Variants in LAMA2 observed in about 807,000 individuals in gnomAD.
LAMA2 encodes the protein laminin subunit alpha-2.
LAMA2 carries 269 observed loss-of-function variants against 364.8 expected under a neutral mutation model. The observed-to-expected ratio is 0.74, with a 90% CI of 0.67 to 0.82. LAMA2 has a LOEUF of 0.82. LAMA2 is among the 40% of genes least tolerant of loss of function. The pLI is 0.00. For synonymous variants in LAMA2, 1,379 were observed against 1,370.6 expected, an observed-to-expected ratio of 1.01 and a Z score of -0.14; for missense variants, 3,807 against 3,873.2, an observed-to-expected ratio of 0.98 and a Z score of 0.45.
intron 48 of LAMA2, among the ~76,000 whole-genome samples, chr6:129,457,398 T>G (rs987587525): frequency 1.3e-5 from 2 of 152,042 alleles, no homozygotes; most frequent in Admixed American, 6.6e-5. Flanking sequence ...TAGATAAATA[T>G]AGGGATAGCA....
chr6:129,489,780 G>A (rs1784768655), intron 56 of LAMA2, among the ~76,000 whole-genome samples: 1 of 151,874 alleles, frequency 6.6e-6, no homozygotes, highest in East Asian at 1.9e-4. Flanking sequence ...CAAACATTAG[G>A]ACACATTTCT....
chr6:129,083,768 T>G (rs1774209365), intron 3 of LAMA2, among the ~76,000 whole-genome samples: 1 of 152,192 alleles, frequency 6.6e-6, no homozygotes, highest in Non-Finnish European at 1.5e-5. Context: ...AAGTATAGCT[T>G]AGATCCAACG....
intron 1 of LAMA2, among the ~76,000 whole-genome samples, chr6:128,998,538 T>C (rs1192449498): frequency 1.1e-4 from 11 of 101,698 alleles, no homozygotes; most frequent in East Asian, 4.2e-4. Flanking sequence ...CCAGTGTGTG[T>C]GCGCACCGTG....
Position 128,883,809 on chromosome 6 carries a change from C to A in LAMA2, c.112+452C>A, listed in dbSNP as rs190822390. Among the ~76,000 whole-genome samples the A allele has an allele frequency of 9.1e-3, 1,166 of 128,674 alleles. 36 individuals carry two copies. Among genetic ancestry groups the A allele is most frequent in the Admixed American group, 0.059 (803 of 13,514 alleles). 84.4% of individuals were successfully genotyped at this position (128,674 alleles called of 152,430 possible). A position where few individuals can be genotyped will look rare whatever the true frequency, so the allele number is the denominator to read the frequency against. ...AATTATATATATATATATACACACA[C>A]ACACACACACACACACACACACACA... is the stretch of plus-strand genomic sequence containing the variant. On this transcript the variant is annotated intron_variant, in intron 1 of 64. Transcript: ENST00000421865.
intron 1 of LAMA2, among the ~76,000 whole-genome samples, chr6:129,016,830 T>C (rs890856186): frequency 4.0e-5 from 6 of 151,692 alleles, no homozygotes; most frequent in African/African-American, 1.2e-4. Flanking sequence ...TAAGTTGAGA[T>C]TATTCAAAGG....
chr6:129,202,420 TC>T (rs1208425194), intron 12 of LAMA2, among the ~76,000 whole-genome samples: 1 of 151,996 alleles, frequency 6.6e-6, no homozygotes, highest in Admixed American at 6.5e-5. Flanking sequence ...GGGATTAACA[TC>T]CTTACAAAAG....
At chr6:128,928,833 G>A (rs1447023968) in intron 1 of LAMA2, among the ~76,000 whole-genome samples, 1 of 152,178 alleles carries the variant, frequency 6.6e-6, no homozygotes, top group Non-Finnish European at 1.5e-5. Flanking sequence ...TGGCTTCTTT[G>A]TATACACTGT....
chr6:129,124,155 C>A (rs529393656), intron 4 of LAMA2, among the ~76,000 whole-genome samples: 14 of 152,048 alleles, frequency 9.2e-5, no homozygotes, highest in Admixed American at 8.5e-4. Flanking sequence ...AAATAATAAT[C>A]GTATCTTGGT....
chr6:129,302,892 A>G (rs189771497), intron 22 of LAMA2, among the ~76,000 whole-genome samples: 7 of 152,246 alleles, frequency 4.6e-5, no homozygotes, highest in African/African-American at 1.7e-4. Flanking sequence ...GGTATTGTAA[A>G]TTCCTCAACC....
intron 3 of LAMA2, among the ~76,000 whole-genome samples, chr6:129,083,948 T>G (rs1354762244): frequency 1.3e-5 from 2 of 152,212 alleles, no homozygotes; most frequent in African/African-American, 4.8e-5. Context: ...GATTAGATTT[T>G]GAGAGCCAGT....
At chr6:129,147,171 A>ATGCCAGGGT in intron 6 of LAMA2, 123 bp downstream of exon 6, 2 of 743,036 alleles carry the variant, frequency 2.7e-6, no homozygotes, top group Non-Finnish European at 2.5e-6. Context: ...ACAGTGTAAC[A>ATGCCAGGGT]GAAATCCATG....
intron 9 of LAMA2, among the ~76,000 whole-genome samples, chr6:129,173,077 T>C (rs1282618980): frequency 1.1e-4 from 17 of 152,140 alleles, no homozygotes; most frequent in Admixed American, 7.9e-4. Flanking sequence ...CTGTCTGGCA[T>C]TCCCTAGTGA....
intron 8 of LAMA2, among the ~76,000 whole-genome samples, chr6:129,155,467 T>G: frequency 6.6e-6 from 1 of 152,122 alleles, no homozygotes; most frequent in East Asian, 1.9e-4. Flanking sequence ...GGATTTAATT[T>G]TAATCGTAAG....
intron 43 of LAMA2, 93 bp from the exon 44 acceptor site, chr6:129,442,970 T>C (rs770221520): frequency 1.3e-5 from 12 of 914,108 alleles, no homozygotes; most frequent in African/African-American, 3.4e-5. Context: ...AAAAATACCA[T>C]TTTTAGTCAC....
intron 4 of LAMA2, among the ~76,000 whole-genome samples, chr6:129,129,710 G>A (rs958699923): frequency 1.3e-5 from 2 of 151,938 alleles, no homozygotes; most frequent in African/African-American, 2.4e-5. Flanking sequence ...GGATCACGAG[G>A]TCAGGAGATC....
intron 12 of LAMA2, among the ~76,000 whole-genome samples, chr6:129,246,693 A>T (rs978368678): frequency 2.6e-5 from 4 of 152,178 alleles, no homozygotes; most frequent in Admixed American, 2.6e-4. Context: ...GCTTGATGAG[A>T]ACCTACTTGG....
At chr6:129,146,770 T>C (rs886787368) in intron 5 of LAMA2, among the ~76,000 whole-genome samples, 189 bp from the exon 6 acceptor site, 14 of 152,076 alleles carry the variant, frequency 9.2e-5, no homozygotes, top group East Asian at 5.8e-4. Flanking sequence ...CACTCTTCCT[T>C]TGGGCTAAGA....
intron 6 of LAMA2, 123 bp downstream of exon 6, chr6:129,147,171 A>G (rs1488179176): frequency 1.3e-6 from 1 of 743,036 alleles, no homozygotes; most frequent in Non-Finnish European, 2.5e-6. Context: ...ACAGTGTAAC[A>G]GAAATCCATG....
At chr6:129,033,300 C>T (rs971039791) in intron 1 of LAMA2, among the ~76,000 whole-genome samples, 3 of 151,164 alleles carry the variant, frequency 2.0e-5, no homozygotes, top group Non-Finnish European at 4.4e-5. Context: ...CCAGAGAAAA[C>T]ATAATGTGGA....
Sources: allele counts gnomAD v4.1 joint callset (sites outside exome capture counted in the v4.1 genomes callset), GRCh38; gene constraint gnomAD v4.1.1; transcripts MANE v1.5; gene names NCBI Gene and HGNC (gene_info 2026-07-23, HGNC 2026-07-21).